Variants in PDE4D observed in about 807,000 individuals in gnomAD.
PDE4D encodes the protein phosphodiesterase 4D, also known as 3',5'-cyclic-AMP phosphodiesterase 4D.
Under a neutral mutation model 87.4 loss-of-function variants are expected in PDE4D, and 24 were observed. That is an observed-to-expected ratio of 0.27 (90% confidence interval 0.20 to 0.39). PDE4D has a LOEUF of 0.39. Among genes scored for constraint, PDE4D ranks in the 10% least tolerant of loss-of-function variants. The pLI is 1.00. For synonymous variants in PDE4D, 384 were observed against 383.2 expected (o/e 1.00, Z -0.02); for missense variants, 714 against 1,041.0 (o/e 0.69, Z 4.32).
intron 2 of PDE4D, among the ~76,000 whole-genome samples, chr5:60,011,821 T>C (rs1223561874): frequency 1.3e-5 from 2 of 152,180 alleles, no homozygotes; most frequent in African/African-American, 2.4e-5. Context: ...ATCAAAAATC[T>C]TAATTACAGC....
intron 1 of PDE4D, among the ~76,000 whole-genome samples, chr5:59,457,900 A>G (rs906031055): frequency 2.0e-5 from 3 of 152,210 alleles, no homozygotes; most frequent in Non-Finnish European, 2.9e-5. Flanking sequence ...CTGTCTAAAA[A>G]AAAAGAAAAA....
chr5:59,983,022 C>T (rs1291480737), intron 3 of PDE4D, among the ~76,000 whole-genome samples: 1 of 152,058 alleles, frequency 6.6e-6, no homozygotes, highest in African/African-American at 2.4e-5. Context: ...CCTACTTTTG[C>T]TTTTTTAAAA....
At chr5:60,478,553 C>A (rs1748498564) in intron 1 of PDE4D, among the ~76,000 whole-genome samples, 2 of 152,146 alleles carry the variant, frequency 1.3e-5, no homozygotes, top group South Asian at 4.1e-4. Flanking sequence ...ATACCAGATT[C>A]ACTTAAAGAA....
At position 60,473,178 on chromosome 5, in the gene PDE4D, AGG is replaced by A. The variant is rs1239172376; in HGVS notation, c.-90+14762_-90+14763del. On this transcript the variant is annotated intron_variant, in intron 1 of 16. Coordinates refer to the PDE4D transcript ENST00000502484. ...AAGGAAGGAAGGAAGGAAGGAAGGA[AGG>A]AAAAAGAAAGAAAAAAGAAAGAAAG... is the stretch of plus-strand genomic sequence containing the variant. Among the ~76,000 whole-genome samples, 432 of 141,650 alleles carry A rather than the reference AGG, an allele frequency of 3.0e-3. 1 individual carries two copies. The highest frequency in any genetic ancestry group is 5.5e-3 in the Non-Finnish European group (353 of 63,908). The allele number at this position is 141,650 out of a possible 152,430, so 92.9% of individuals were successfully genotyped here.
At chr5:59,049,901 A>T (rs1761277166) in intron 5 of PDE4D, among the ~76,000 whole-genome samples, 1 of 152,114 alleles carries the variant, frequency 6.6e-6, no homozygotes, top group African/African-American at 2.4e-5. Flanking sequence ...TATCTCTCTC[A>T]CTATGAGATA....
At chr5:59,046,612 C>T (rs189445762) in intron 5 of PDE4D, among the ~76,000 whole-genome samples, 111 of 152,014 alleles carry the variant, frequency 7.3e-4, no homozygotes, top group South Asian at 5.2e-3. Context: ...AACTCCAACC[C>T]GTGCATTTTC....
At chr5:59,473,083 G>GAAAAAAAAAAAAA (rs10573988) in intron 1 of PDE4D, among the ~76,000 whole-genome samples, 1 of 92,118 alleles carries the variant, frequency 1.1e-5, no homozygotes, top group Non-Finnish European at 2.3e-5. Context: ...GCTTTCTCAT[G>GAAAAAAAAAAAAA]AAAAAAAAAA....
At position 59,407,022 on chromosome 5, in the gene PDE4D, T is replaced by C. The variant is rs566082559; in HGVS notation, c.456-191054A>G. 2.5e-4 allele frequency among the ~76,000 whole-genome samples: 38 copies of C among 152,318 alleles called. No individual in the cohort carries two copies. In the South Asian group the frequency reaches 7.7e-3, roughly 31 times the overall value. On this transcript the variant is annotated intron_variant, in intron 1 of 14. Transcript: ENST00000340635. ...TAAAATACTGACTGGGAGCCTTGAA[T>C]GATTTAACTGGACTTGTAGAGTCTT... is the stretch of plus-strand genomic sequence containing the variant.
chr5:59,406,384 TTA>T (rs1791633275), intron 1 of PDE4D, among the ~76,000 whole-genome samples: 1 of 89,734 alleles, frequency 1.1e-5, no homozygotes, highest in East Asian at 3.7e-4. Context: ...TTATCTTTCC[TTA>T]TCTTTCCTTC....
chr5:59,647,229 C>CA (rs1742617790), intron 1 of PDE4D, among the ~76,000 whole-genome samples: 1 of 151,924 alleles, frequency 6.6e-6, no homozygotes, highest in Admixed American at 6.6e-5. Context: ...AGCTGGTGTA[C>CA]AATTGTTTAA....
intron 1 of PDE4D, among the ~76,000 whole-genome samples, chr5:59,294,683 G>A (rs62358005): frequency 6.6e-6 from 1 of 152,156 alleles, no homozygotes; most frequent in Admixed American, 6.6e-5. Flanking sequence ...AACAATGCAC[G>A]CAGTCACGGA....
chr5:59,319,746 C>T (rs554125310), intron 1 of PDE4D, among the ~76,000 whole-genome samples: 137 of 152,166 alleles, frequency 9.0e-4, no homozygotes, highest in African/African-American at 3.2e-3. Flanking sequence ...CTTATACATG[C>T]ACAGTTAAAA....
intron 1 of PDE4D, among the ~76,000 whole-genome samples, chr5:60,271,259 T>C (rs559129413): frequency 2.0e-5 from 3 of 152,278 alleles, no homozygotes; most frequent in Admixed American, 1.3e-4. Context: ...ATCTAACTGT[T>C]TTCCTGTGGT....
chr5:59,865,290 C>T (rs1282727384), intron 1 of PDE4D, among the ~76,000 whole-genome samples: 3 of 152,054 alleles, frequency 2.0e-5, no homozygotes, highest in African/African-American at 4.8e-5. Context: ...ACCTGTTTTT[C>T]GAAAACTGTA....
At chr5:59,356,479 A>C (rs1203226484) in intron 1 of PDE4D, among the ~76,000 whole-genome samples, 1 of 152,190 alleles carries the variant, frequency 6.6e-6, no homozygotes, top group Non-Finnish European at 1.5e-5. Context: ...AGACAAGTTA[A>C]TACACTGTTT....
At chr5:59,528,916 G>A (rs540670469) in intron 1 of PDE4D, 18 of 388,410 alleles carry the variant, frequency 4.6e-5, no homozygotes, top group South Asian at 1.4e-4. Flanking sequence ...CTTGACCCTC[G>A]ACTCAGCCAA....
At chr5:60,261,216 A>G (rs2149703982) in intron 1 of PDE4D, among the ~76,000 whole-genome samples, 1 of 152,284 alleles carries the variant, frequency 6.6e-6, no homozygotes, top group East Asian at 1.9e-4. Flanking sequence ...CCATTTCTTG[A>G]TCAAATTAGA....
At chr5:59,181,080 T>C (rs1182937623) in intron 4 of PDE4D, among the ~76,000 whole-genome samples, 2 of 152,214 alleles carry the variant, frequency 1.3e-5, no homozygotes, top group African/African-American at 4.8e-5. Context: ...AGTGAATGAT[T>C]TGTTGTAAAC....
At chr5:59,244,245 A>G (rs1758286694) in intron 1 of PDE4D, among the ~76,000 whole-genome samples, 1 of 151,878 alleles carries the variant, frequency 6.6e-6, no homozygotes, top group Non-Finnish European at 1.5e-5. Flanking sequence ...TAAAAATTCA[A>G]AAATTAGTTG....
Sources: gnomAD v4.1 joint callset for allele counts (sites outside exome capture counted in the v4.1 genomes callset) on GRCh38, gnomAD v4.1.1 for gene constraint, MANE v1.5 for transcripts, NCBI Gene and HGNC (gene_info 2026-07-23, HGNC 2026-07-21) for gene names.